ANKRD6: variants seen among roughly 807,000 people sequenced by gnomAD.
The protein encoded by ANKRD6 is ankyrin repeat domain 6, also known as ankyrin repeat domain-containing protein 6.
A neutral mutation model predicts 82.3 loss-of-function variants in ANKRD6; 56 were observed. The observed-to-expected ratio is 0.68, with a 90% CI of 0.55 to 0.85. The LOEUF (loss-of-function observed/expected upper bound fraction) is 0.85, where lower values mean the gene tolerates loss of function less well. Among genes scored for constraint, ANKRD6 ranks in the 40% least tolerant of loss-of-function variants. The pLI is 0.00. For missense variants in ANKRD6, 852 were observed against 907.6 expected, an observed-to-expected ratio of 0.94 and a Z score of 0.79; for synonymous variants, 347 against 352.1, an observed-to-expected ratio of 0.99 and a Z score of 0.16.
At chr6:89,509,692 CCCTT>C (rs1190677857) in intron 1 of ANKRD6, among the ~76,000 whole-genome samples, 1 of 152,194 alleles carries the variant, frequency 6.6e-6, no homozygotes, top group Non-Finnish European at 1.5e-5. Flanking sequence ...GTACTGTTCT[CCCTT>C]CCTGACAGAT....
chr6:89,548,011 T>C (rs1403208782), intron 1 of ANKRD6, among the ~76,000 whole-genome samples: 1 of 152,218 alleles, frequency 6.6e-6, no homozygotes, highest in African/African-American at 2.4e-5. Flanking sequence ...CTGATTTCAA[T>C]GCCCCAACAC....
chr6:89,517,361 T>C (rs1781355657), intron 1 of ANKRD6, among the ~76,000 whole-genome samples: 1 of 152,228 alleles, frequency 6.6e-6, no homozygotes, highest in Non-Finnish European at 1.5e-5. Flanking sequence ...GTTCTTTCTT[T>C]ATAGAGGGAT....
chr6:89,559,081 T>C (rs1026375406), intron 1 of ANKRD6, among the ~76,000 whole-genome samples: 2 of 152,226 alleles, frequency 1.3e-5, no homozygotes, highest in African/African-American at 4.8e-5. Flanking sequence ...GCCACTCTTC[T>C]TGCCAACTCC....
intron 1 of ANKRD6, among the ~76,000 whole-genome samples, chr6:89,550,127 T>A (rs539722193): frequency 6.6e-6 from 1 of 152,198 alleles, no homozygotes; most frequent in South Asian, 2.1e-4. Context: ...CCAGCTACAG[T>A]TAAACATATG....
intron 13 of ANKRD6, among the ~76,000 whole-genome samples, chr6:89,626,488 T>C (rs926998666): frequency 1.3e-5 from 2 of 151,776 alleles, no homozygotes; most frequent in African/African-American, 4.8e-5. Flanking sequence ...GTGGGGAGAG[T>C]AGGCCAATCC....
At chr6:89,512,315 A>C (rs866827994) in intron 1 of ANKRD6, among the ~76,000 whole-genome samples, 2 of 152,262 alleles carry the variant, frequency 1.3e-5, no homozygotes, top group Non-Finnish European at 2.9e-5. Flanking sequence ...TAAAACATCC[A>C]GTAGAGAGGT....
chr6:89,512,983 G>A (rs531321176), intron 1 of ANKRD6, among the ~76,000 whole-genome samples: 5 of 151,414 alleles, frequency 3.3e-5, no homozygotes, highest in Admixed American at 6.6e-5. Context: ...GGAGTGCAGC[G>A]GTGGGATCAT....
At chr6:89,596,416 G>GA (rs751829827) in intron 3 of ANKRD6, among the ~76,000 whole-genome samples, 73 of 152,154 alleles carry the variant, frequency 4.8e-4, no homozygotes, top group Non-Finnish European at 8.7e-4. Flanking sequence ...TACCATTGGA[G>GA]AAAAAATGGG....
chr6:89,573,402 A>G (rs916396815), intron 2 of ANKRD6, among the ~76,000 whole-genome samples: 12 of 152,184 alleles, frequency 7.9e-5, no homozygotes, highest in Non-Finnish European at 1.0e-4. Context: ...GCAATTCTCC[A>G]TGAGTAAACC....
intron 9 of ANKRD6, among the ~76,000 whole-genome samples, chr6:89,618,944 CAAG>C (rs1458396461): frequency 2.0e-5 from 3 of 152,118 alleles, no homozygotes; most frequent in South Asian, 2.1e-4. Context: ...TCTTATTCTG[CAAG>C]AAGAAGATAA....
rs116986570 is a variant in ANKRD6, at chr6:89,547,778, G to C, written c.-143-19056G>C. ...CCCAGGAATGTCAAAAGGTAAGTTG[G>C]CTGAGAGCCAGCTGCTACCATTTCT... On this transcript the variant is annotated intron_variant, in intron 1 of 15. Coordinates refer to ENST00000339746, the MANE Select transcript of ANKRD6 (RefSeq NM_001242809.2). Among the ~76,000 whole-genome samples, 66 of 152,234 alleles carry C rather than the reference G, an allele frequency of 4.3e-4. 1 individual carries two copies. In the East Asian group the frequency reaches 0.012, roughly 27 times the overall value.
intron 2 of ANKRD6, among the ~76,000 whole-genome samples, chr6:89,594,133 A>G (rs1394840518): frequency 6.6e-6 from 1 of 152,218 alleles, no homozygotes; most frequent in South Asian, 2.1e-4. Flanking sequence ...AGGTTAGACA[A>G]AAAATGCCAA....
At chr6:89,583,987 T>G (rs1396469289) in intron 2 of ANKRD6, among the ~76,000 whole-genome samples, 1 of 152,234 alleles carries the variant, frequency 6.6e-6, no homozygotes, top group East Asian at 1.9e-4. Context: ...TCCTGTTGCC[T>G]TAGCAGATTG....
rs1807677623 is a variant in ANKRD6, at chr6:89,632,851, T to C, written c.*1847T>C. 6.6e-6 allele frequency: 1 copy of C among 152,196 alleles called. No homozygotes were observed. Among genetic ancestry groups the C allele is most frequent in the Admixed American group, 6.5e-5 (1 of 15,290 alleles). 9.4% of individuals were successfully genotyped at this position (152,196 alleles called of 1,614,324 possible). ...TCACTAACCTCTTTAGAATCATTCCTCAGTATACATCAATTTATTGAGAAC... is the reference window on the plus strand; with the variant it reads ...TCACTAACCTCTTTAGAATCATTCCCCAGTATACATCAATTTATTGAGAAC... On this transcript the variant is annotated 3_prime_UTR_variant, in exon 16 of 16. Transcript: ENST00000339746.
chr6:89,483,276 A>G (rs1473127591), intron 1 of ANKRD6: 1 of 152,304 alleles, frequency 6.6e-6, no homozygotes, highest in Non-Finnish European at 1.5e-5. Flanking sequence ...AGTTTGCCAA[A>G]TGCATGCTGG....
Position 89,630,743 on chromosome 6 carries a change from C to T in ANKRD6, c.1923C>T (p.Thr641=). 3.1e-6 allele frequency: 5 copies of T among 1,613,880 alleles called. No individual in the cohort carries two copies. Among genetic ancestry groups the T allele is most frequent in the Non-Finnish European group, 4.2e-6 (5 of 1,179,880 alleles). ...HRAQQPAASS[T]CGQPPPATGS... ...CCCAGCAACCCGCAGCCAGCAGCAC[C>T]TGTGGGCAGCCGCCACCAGCCACAG... is the stretch of plus-strand genomic sequence containing the variant. The change falls in exon 16 of 16, where the codon ACC becomes ACT. Residue 641 remains threonine (T), a synonymous_variant. Transcript: ENST00000339746.
chr6:89,470,307 A>G (rs1775293385), intron 1 of ANKRD6, among the ~76,000 whole-genome samples: 1 of 152,220 alleles, frequency 6.6e-6, no homozygotes, highest in Non-Finnish European at 1.5e-5. Context: ...AAAGTATTCC[A>G]TTATTCCAGT....
At chr6:89,442,216 G>A (rs923912682) in intron 1 of ANKRD6, among the ~76,000 whole-genome samples, 6 of 151,860 alleles carry the variant, frequency 4.0e-5, no homozygotes, top group Non-Finnish European at 8.8e-5. Context: ...GGCTGGTCTC[G>A]AACTCCTGGG....
chr6:89,606,876 T>C (rs889421681), intron 5 of ANKRD6, among the ~76,000 whole-genome samples: 3 of 135,278 alleles, frequency 2.2e-5, no homozygotes, highest in African/African-American at 8.1e-5. Flanking sequence ...GGGGCGGGGG[T>C]GGGCCTTTTT....
Sources: gnomAD v4.1 joint callset for allele counts (sites outside exome capture counted in the v4.1 genomes callset) on GRCh38, gnomAD v4.1.1 for gene constraint, MANE v1.5 for transcripts, NCBI Gene and HGNC (gene_info 2026-07-23, HGNC 2026-07-21) for gene names.